PTPN7: variants seen among roughly 807,000 people sequenced by gnomAD.
PTPN7 encodes the protein protein tyrosine phosphatase non-receptor type 7.
Under a neutral mutation model 50.3 loss-of-function variants are expected in PTPN7, and 33 were observed. That is an observed-to-expected ratio of 0.66 (90% CI 0.50 to 0.88). The LOEUF is 0.88. PTPN7 is among the 40% of genes least tolerant of loss of function. The pLI, the probability that PTPN7 is intolerant of heterozygous loss-of-function variation, is 0.00. For synonymous variants in PTPN7, 185 were observed against 186.6 expected, an observed-to-expected ratio of 0.99 and a Z score of 0.07; for missense variants, 412 against 475.4, an observed-to-expected ratio of 0.87 and a Z score of 1.24.
rs1174534981 is a variant in PTPN7 at position 202,147,304 on chromosome 1, C to G, written c.*1302G>C. On this transcript the variant is annotated 3_prime_UTR_variant, in exon 10 of 10. Transcript: ENST00000691036. The stretch of plus-strand genomic sequence containing the variant: ...AGGAAGGAGCAGCTCCTCCATAAGG[C>G]CAAGCAGAAGCATTAGGGAAATCAT... The G allele has an allele frequency of 6.6e-6, 1 of 151,976 alleles. No individual in the cohort carries two copies. Among genetic ancestry groups the G allele is most frequent in the African/African-American group, 2.4e-5 (1 of 41,332 alleles). The allele number at this position is 151,976 out of a possible 1,614,324, so 9.4% of individuals were successfully genotyped here.
chr1:202,152,695 T>C lies in PTPN7; in HGVS notation c.722A>G (p.Gln241Arg), dbSNP rs1429535968. ...GTGCTTTACTGACCGGCGCTCTTCC[T>C]GGTACTGGATTGGAGACAAGGCATG... ...YTVRQLTIQYQEERRSVKHIL... is the reference protein window; with the variant it reads ...YTVRQLTIQYREERRSVKHIL... Residue 241 changes from glutamine (Q) to arginine (R), a missense_variant, in exon 8 of 10, where the codon CAG becomes CGG. Gln to Arg is a conservative substitution (Grantham distance 43). Coordinates refer to ENST00000691036, the MANE Select transcript of PTPN7 (RefSeq NM_002832.4). The C allele has an allele frequency of 1.2e-6, 2 of 1,614,020 alleles. No homozygotes were observed. The highest frequency in any genetic ancestry group is 2.7e-5 in the African/African-American group (2 of 75,038).
rs1480626879 is a variant in PTPN7 at position 202,147,744 on chromosome 1, G to A, written c.*862C>T. On this transcript the variant is annotated 3_prime_UTR_variant, in exon 10 of 10. Transcript: ENST00000691036. ...GTGTACTCAGCAAATGCAAGGTATA[G>A]TGGGTCCTGCATACCCAGGGTATTA... is the stretch of plus-strand genomic sequence containing the variant. The A allele has an allele frequency of 6.6e-6, 1 of 152,252 alleles. No individual in the cohort carries two copies. Among genetic ancestry groups the A allele is most frequent in the African/African-American group, 2.4e-5 (1 of 41,450 alleles). 9.4% of individuals were successfully genotyped at this position (152,252 alleles called of 1,614,324 possible).
At position 202,159,162 on chromosome 1, in the gene PTPN7, G is replaced by A. The variant is rs779072734; in HGVS notation, c.122+119C>T. ...CTACTGGTTTCCTTTCCAAATTGGA[G>A]TCAACAACTGAGGGCCCTCTGGACC... is the stretch of plus-strand genomic sequence containing the variant. On this transcript the variant is annotated intron_variant, in intron 2 of 9. Transcript: ENST00000691036. The surrounding 1 kb of genome is among the most constrained non-coding windows in gnomAD (Gnocchi z 4.6). 2.1e-6 allele frequency: 2 copies of A among 963,888 alleles called. No homozygotes were observed. The highest frequency in any genetic ancestry group is 1.5e-5 in the South Asian group (1 of 65,324). The allele number at this position is 963,888 out of a possible 1,614,324, so 59.7% of individuals were successfully genotyped here. A position where few individuals can be genotyped will look rare whatever the true frequency, so the allele number is the denominator to read the frequency against.
Position 202,150,659 on chromosome 1 carries a change from GCCTGTTGCAGGCCA to G in PTPN7, c.876-249_876-236del, listed in dbSNP as rs1158741368. Among the ~76,000 whole-genome samples, 10 of 152,300 alleles carry G rather than the reference GCCTGTTGCAGGCCA, an allele frequency of 6.6e-5. No homozygotes were observed. In the East Asian group the frequency reaches 9.7e-4, roughly 15 times the overall value. ...ACATTTCTTACCAGCCTTACTGTAA[GCCTGTTGCAGGCCA>G]CCTTTTGGTCCCTGTGGACATTTTG... On this transcript the variant is annotated intron_variant, in intron 8 of 9. Coordinates refer to ENST00000691036, the MANE Select transcript of PTPN7 (RefSeq NM_002832.4).
chr1:202,161,136 TGG>T, upstream of PTPN7: 1 of 1,208,296 alleles, frequency 8.3e-7, no homozygotes, highest in Middle Eastern at 3.4e-4. Context: ...AGACTCGGGG[TGG>T]GGAAAAAGAA....
intron 2 of PTPN7, 101 bp from the exon 3 acceptor site, chr1:202,158,402 C>G (rs1656938086): frequency 7.6e-7 from 1 of 1,308,832 alleles, no homozygotes; most frequent in African/African-American, 1.5e-5. Context: ...CTCTGTTGCC[C>G]AGGTCTGGAG....
intron 8 of PTPN7, 53 bp from the exon 9 acceptor site, chr1:202,150,477 A>G: frequency 1.4e-6 from 2 of 1,415,714 alleles, no homozygotes; most frequent in Non-Finnish European, 2.0e-6. Context: ...AGGGAATATG[A>G]GAGCCAGGCC....
chr1:202,160,095 A>C lies in PTPN7; in HGVS notation c.-53+450T>G. On this transcript the variant is annotated intron_variant, in intron 1 of 9. Transcript: ENST00000691036. The surrounding 1 kb of genome is among the most constrained non-coding windows in gnomAD (Gnocchi z 4.8). ...TGTAACCGTCACAGGAAATGGCCTC[A>C]CCAAGCCCTTGAACGACAGCGCATG... 1 of 623,344 alleles carries C rather than the reference A, an allele frequency of 1.6e-6. No homozygotes were observed. The highest frequency in any genetic ancestry group is 2.0e-6 in the Non-Finnish European group (1 of 494,302). The allele number at this position is 623,344 out of a possible 1,614,324, so 38.6% of individuals were successfully genotyped here.
At chr1:202,151,906 C>T (rs892167887) in intron 8 of PTPN7, among the ~76,000 whole-genome samples, 1 of 152,132 alleles carries the variant, frequency 6.6e-6, no homozygotes, top group African/African-American at 2.4e-5. Flanking sequence ...CAGCTAACAC[C>T]GTGCCTGACA....
Position 202,148,444 on chromosome 1 carries a change from C to T in PTPN7, c.*162G>A. 3 of 578,682 alleles carry T rather than the reference C, an allele frequency of 5.2e-6. No homozygotes were observed. The highest frequency in any genetic ancestry group is 9.0e-6 in the Non-Finnish European group (3 of 332,052). 35.8% of individuals were successfully genotyped at this position (578,682 alleles called of 1,614,324 possible). On this transcript the variant is annotated 3_prime_UTR_variant, in exon 10 of 10. Transcript: ENST00000691036. ...AAGACCTGGAATCCGGCCCCTTGTCCTTACTGCTGCTGCTTCCTGTGACTG... is the reference window on the plus strand; with the variant it reads ...AAGACCTGGAATCCGGCCCCTTGTCTTTACTGCTGCTGCTTCCTGTGACTG...
intron 5 of PTPN7, among the ~76,000 whole-genome samples, chr1:202,154,696 C>T (rs951886562): frequency 2.0e-5 from 3 of 152,176 alleles, no homozygotes; most frequent in African/African-American, 7.2e-5. Flanking sequence ...AATGTTTATT[C>T]CCTTCCTCCC....
chr1:202,152,037 G>A lies in PTPN7; in HGVS notation c.875+505C>T, dbSNP rs190886414. ...CAATTCTCCTGCCTCAGCCTCCCAA[G>A]TAGCTGGGATTACAAGTGTGTGCTA... On this transcript the variant is annotated intron_variant, in intron 8 of 9. Coordinates refer to ENST00000691036, the MANE Select transcript of PTPN7 (RefSeq NM_002832.4). Among the ~76,000 whole-genome samples, 335 of 152,244 alleles carry A rather than the reference G, an allele frequency of 2.2e-3. 1 individual carries two copies. Among genetic ancestry groups the A allele is most frequent in the Non-Finnish European group, 4.0e-4 (27 of 68,026 alleles).
rs1655810056 is a variant in PTPN7 at position 202,150,137 on chromosome 1, A to G, written c.989+174T>C. The G allele has an allele frequency of 6.8e-6, 4 of 588,340 alleles. No homozygotes were observed. In the Admixed American group the frequency reaches 1.1e-4, roughly 16 times the overall value. The allele number at this position is 588,340 out of a possible 1,614,324, so 36.4% of individuals were successfully genotyped here. The stretch of plus-strand genomic sequence containing the variant: ...TGTGAGCCACCGCACCCGGCCATCC[A>G]GATAGATATTTTTTCCTGGTTGTTA... On this transcript the variant is annotated intron_variant, in intron 9 of 9. Coordinates refer to ENST00000691036, the MANE Select transcript of PTPN7 (RefSeq NM_002832.4).
chr1:202,150,296 C>T lies in PTPN7; in HGVS notation c.989+15G>A. ...CCGTTAACGTTGTTGGCCTTGTTTACACCCACAGACCCACCTGTCTAGCCG... is the reference window on the plus strand; with the variant it reads ...CCGTTAACGTTGTTGGCCTTGTTTATACCCACAGACCCACCTGTCTAGCCG... On this transcript the variant is annotated intron_variant, in intron 9 of 9. Transcript: ENST00000691036. 2 of 1,598,140 alleles carry T rather than the reference C, an allele frequency of 1.3e-6. No homozygotes were observed. Among genetic ancestry groups the T allele is most frequent in the Non-Finnish European group, 1.7e-6 (2 of 1,169,568 alleles).
Position 202,159,614 on chromosome 1 carries a change from G to A in PTPN7, c.-52-160C>T. On this transcript the variant is annotated intron_variant, in intron 1 of 9. Transcript: ENST00000691036. The surrounding 1 kb of genome is among the most constrained non-coding windows in gnomAD (Gnocchi z 4.6). ...CTAAGGGAAGGACAGGATCTATTTG[G>A]TGGGACCCAGGGCAGAAGGCAGTCT... 2.7e-6 allele frequency: 4 copies of A among 1,480,832 alleles called. No homozygotes were observed. The highest frequency in any genetic ancestry group is 3.6e-6 in the Non-Finnish European group (4 of 1,119,832). The allele number at this position is 1,480,832 out of a possible 1,614,324, so 91.7% of individuals were successfully genotyped here. A position where few individuals can be genotyped will look rare whatever the true frequency, so the allele number is the denominator to read the frequency against.
chr1:202,157,938 C>T (rs1656869462), intron 3 of PTPN7, 115 bp from the exon 4 acceptor site: 2 of 1,286,870 alleles, frequency 1.6e-6, no homozygotes, highest in Non-Finnish European at 2.2e-6. Flanking sequence ...AGTATGTAGG[C>T]CTAGATGGGG....
Position 202,148,537 on chromosome 1 carries a change from A to G in PTPN7, c.*69T>C. The G allele has an allele frequency of 6.9e-7, 1 of 1,445,068 alleles. No individual in the cohort carries two copies. Among genetic ancestry groups the G allele is most frequent in the Non-Finnish European group, 9.6e-7 (1 of 1,038,940 alleles). 89.5% of individuals were successfully genotyped at this position (1,445,068 alleles called of 1,614,324 possible). ...GGGGTACCCCCAGATCACTCGGCCCACTTTCCCCAGACCCACCTTCCCAGG... is the reference window on the plus strand; with the variant it reads ...GGGGTACCCCCAGATCACTCGGCCCGCTTTCCCCAGACCCACCTTCCCAGG... On this transcript the variant is annotated 3_prime_UTR_variant, in exon 10 of 10. Transcript: ENST00000691036.
intron 9 of PTPN7, 148 bp from the exon 10 acceptor site, chr1:202,148,847 C>CTTTTTTTTTTTTTTTTTTT (rs10652170): frequency 7.6e-6 from 1 of 130,988 alleles, no homozygotes; most frequent in Non-Finnish European, 1.3e-5. Context: ...CATCTTTTCA[C>CTTTTTTTTTTTTTTTTTTT]TTTTTTTTTT....
intron 3 of PTPN7, 104 bp from the exon 4 acceptor site, chr1:202,157,927 T>C: frequency 1.0e-5 from 14 of 1,346,842 alleles, no homozygotes; most frequent in South Asian, 1.3e-5. Flanking sequence ...TTCTTGACAA[T>C]AGTATGTAGG....
Sources: gnomAD v4.1 joint callset for allele counts (sites outside exome capture counted in the v4.1 genomes callset) on GRCh38, gnomAD v4.1.1 for gene constraint, Gnocchi (gnomAD v3.1) non-coding constraint, MANE v1.5 for transcripts, NCBI Gene and HGNC (gene_info 2026-07-23, HGNC 2026-07-21) for gene names.